The following GFOD1 variants were observed in gnomAD, a reference collection of about 807,000 sequenced individuals.
GFOD1 encodes glucose-fructose oxidoreductase domain-containing protein 1.
Under a neutral mutation model 25.4 loss-of-function variants are expected in GFOD1, and 9 were observed. The ratio of observed to expected loss-of-function variants is 0.35; its 90% confidence interval spans 0.21 to 0.62. The LOEUF is 0.62. Among genes scored for constraint, GFOD1 ranks in the 20% least tolerant of loss-of-function variants. The pLI, the probability that GFOD1 is intolerant of heterozygous loss-of-function variation, is 0.72. For missense variants in GFOD1, 403 were observed against 556.9 expected, an observed-to-expected ratio of 0.72 and a Z score of 2.78; for synonymous variants, 253 against 245.6, an observed-to-expected ratio of 1.03 and a Z score of -0.28.
rs1468741671 is a variant in GFOD1 at position 13,360,789 on chromosome 6, A to G, written c.*3954T>C. The G allele has an allele frequency of 2.2e-6, 1 of 456,632 alleles. No individual in the cohort carries two copies. Among genetic ancestry groups the G allele is most frequent in the African/African-American group, 2.0e-5 (1 of 50,074 alleles). 28.3% of individuals were successfully genotyped at this position (456,632 alleles called of 1,614,324 possible). A position where few individuals can be genotyped will look rare whatever the true frequency, so the allele number is the denominator to read the frequency against. ...CCGCAGGTTAGTCCATGCTTGTCAC[A>G]GTCCTTCCTGGGTGTGAGAGCAGAC... On this transcript the variant is annotated 3_prime_UTR_variant, in exon 2 of 2. Transcript: ENST00000379287.
At chr6:13,404,469 T>C (rs1272741756) in intron 1 of GFOD1, among the ~76,000 whole-genome samples, 2 of 152,248 alleles carry the variant, frequency 1.3e-5, no homozygotes, top group Non-Finnish European at 2.9e-5. Flanking sequence ...GTGAAACACG[T>C]GAGCCTGAAC....
chr6:13,393,780 C>T (rs377079169), intron 1 of GFOD1, among the ~76,000 whole-genome samples: 37 of 120,230 alleles, frequency 3.1e-4, no homozygotes, highest in Non-Finnish European at 4.0e-4. Context: ...TTTTTCTTTT[C>T]TTTTTTTTTT....
In GFOD1 at chr6:13,365,003, C is replaced by G. The variant is rs970059313; in HGVS notation, c.913G>C (p.Gly305Arg). The change falls in exon 2 of 2, where the codon GGC becomes CGC. Residue 305 changes from glycine to arginine, a missense_variant. Physicochemically the swap from Gly to Arg is moderately radical, Grantham distance 125. Coordinates refer to ENST00000379287, the MANE Select transcript of GFOD1 (RefSeq NM_018988.4). The surrounding 1 kb of genome is among the most constrained non-coding windows in gnomAD (Gnocchi z 9.2). ...ACCGCCTGCATCATCTTGATGGTGC[C>G]GCGCAGGTAGGGCGAGGGGATGTCG... ...FSDIPSPYLRGTIKMMQAVRQ... is the reference protein window; with the variant it reads ...FSDIPSPYLRRTIKMMQAVRQ... 2 of 1,610,222 alleles carry G rather than the reference C, an allele frequency of 1.2e-6. No individual in the cohort carries two copies. The highest frequency in any genetic ancestry group is 1.7e-6 in the Non-Finnish European group (2 of 1,179,904).
chr6:13,408,441 G>T (rs754970184), intron 1 of GFOD1, among the ~76,000 whole-genome samples: 26 of 152,284 alleles, frequency 1.7e-4, no homozygotes, highest in Non-Finnish European at 2.8e-4. Flanking sequence ...CTTTTCTACT[G>T]ATGGCTGCTT....
chr6:13,398,747 A>G (rs1231278464), intron 1 of GFOD1, among the ~76,000 whole-genome samples: 2 of 152,130 alleles, frequency 1.3e-5, no homozygotes, highest in African/African-American at 4.8e-5. Context: ...GGGCTTCTCA[A>G]TAAATGGCGA....
rs137895292 is a variant in GFOD1 at position 13,469,984 on chromosome 6, C to T, written c.253+16654G>A. Reference sequence around the variant, plus strand: ...ATAGATGATGAGTTCTCTCAGAGCACATGCCATATCTTATATGCCTTTGAC... The same window carrying T: ...ATAGATGATGAGTTCTCTCAGAGCATATGCCATATCTTATATGCCTTTGAC... On this transcript the variant is annotated intron_variant, in intron 1 of 1. Transcript: ENST00000379287. 5,562 of 1,314,826 alleles carry T rather than the reference C, an allele frequency of 4.2e-3. 17 individuals are homozygous for T. The highest frequency in any genetic ancestry group is 5.2e-3 in the Non-Finnish European group (5,162 of 993,518). The allele number at this position is 1,314,826 out of a possible 1,614,324, so 81.4% of individuals were successfully genotyped here. A position where few individuals can be genotyped will look rare whatever the true frequency, so the allele number is the denominator to read the frequency against.
At chr6:13,371,024 C>T (rs1785140853) in intron 1 of GFOD1, among the ~76,000 whole-genome samples, 1 of 152,090 alleles carries the variant, frequency 6.6e-6, no homozygotes, top group Admixed American at 6.6e-5. Context: ...GGAGAAAGCA[C>T]CAAAATGGCT....
chr6:13,418,206 G>A (rs190791071), intron 1 of GFOD1, among the ~76,000 whole-genome samples: 2 of 152,286 alleles, frequency 1.3e-5, no homozygotes, highest in Admixed American at 1.3e-4. Context: ...TTACACCGAA[G>A]CCACTGCAGG....
At chr6:13,464,394 C>T (rs978113443) in intron 1 of GFOD1, among the ~76,000 whole-genome samples, 4 of 152,166 alleles carry the variant, frequency 2.6e-5, no homozygotes, top group East Asian at 3.8e-4. Context: ...TACCACAGAA[C>T]GAAGACTTGT....
chr6:13,459,940 C>T (rs185175091), intron 1 of GFOD1, among the ~76,000 whole-genome samples: 2 of 152,256 alleles, frequency 1.3e-5, no homozygotes, highest in African/African-American at 2.4e-5. Context: ...TCAAGATCAG[C>T]CTGGCCAACA....
chr6:13,432,477 G>C (rs1051629371), intron 1 of GFOD1, among the ~76,000 whole-genome samples: 1 of 151,950 alleles, frequency 6.6e-6, no homozygotes, highest in African/African-American at 2.4e-5. Context: ...CAAAGTGCTA[G>C]GATTACGGTG....
chr6:13,454,818 G>A (rs1169642462), intron 1 of GFOD1, among the ~76,000 whole-genome samples: 1 of 152,162 alleles, frequency 6.6e-6, no homozygotes, highest in Non-Finnish European at 1.5e-5. Flanking sequence ...TCCTTCTGTG[G>A]GCTGCAAGAG....
Position 13,364,707 on chromosome 6 carries a change from G to T in GFOD1, c.*36C>A. On this transcript the variant is annotated 3_prime_UTR_variant, in exon 2 of 2. Transcript: ENST00000379287. The surrounding 1 kb of genome is among the most constrained non-coding windows in gnomAD (Gnocchi z 4.1). Reference sequence around the variant, plus strand: ...CCTTCCCTCTCTGTGGACATCCCCTGCAGAAGGCTCAAGTCCCCGAGGTTC... The same window carrying T: ...CCTTCCCTCTCTGTGGACATCCCCTTCAGAAGGCTCAAGTCCCCGAGGTTC... 6.4e-7 allele frequency: 1 copy of T among 1,553,252 alleles called. No individual in the cohort carries two copies. The highest frequency in any genetic ancestry group is 8.8e-7 in the Non-Finnish European group (1 of 1,139,168).
At chr6:13,461,191 C>T (rs890937983) in intron 1 of GFOD1, among the ~76,000 whole-genome samples, 1 of 152,218 alleles carries the variant, frequency 6.6e-6, no homozygotes, top group Non-Finnish European at 1.5e-5. Flanking sequence ...ATCCACCTCA[C>T]CATGTTTGCA....
intron 1 of GFOD1, among the ~76,000 whole-genome samples, chr6:13,433,798 C>G (rs1179706562): frequency 2.6e-5 from 4 of 152,134 alleles, no homozygotes; most frequent in African/African-American, 9.7e-5. Flanking sequence ...CCCAGAATGC[C>G]TACAACTTCC....
intron 1 of GFOD1, among the ~76,000 whole-genome samples, chr6:13,374,750 T>G (rs1307949378): frequency 6.9e-6 from 1 of 144,604 alleles, no homozygotes; most frequent in Non-Finnish European, 1.5e-5. Context: ...TTTTTTTTTT[T>G]TTGAGATCAA....
chr6:13,434,619 G>T (rs1367699825), intron 1 of GFOD1, among the ~76,000 whole-genome samples: 3 of 151,404 alleles, frequency 2.0e-5, no homozygotes, highest in Non-Finnish European at 4.4e-5. Flanking sequence ...GAACACAAAA[G>T]TTAAGTGCAG....
chr6:13,432,684 C>T (rs1384112416), intron 1 of GFOD1, among the ~76,000 whole-genome samples: 2 of 152,086 alleles, frequency 1.3e-5, no homozygotes, highest in African/African-American at 2.4e-5. Context: ...ATCACAACAC[C>T]CAGCTACACG....
At chr6:13,486,167 C>G (rs1584680744) in intron 1 of GFOD1, 4 of 989,856 alleles carry the variant, frequency 4.0e-6, no homozygotes, top group Non-Finnish European at 3.6e-6. Context: ...CACACGTGTG[C>G]GGCCTTTTAT....
Sources: allele counts gnomAD v4.1 joint callset (sites outside exome capture counted in the v4.1 genomes callset), GRCh38; gene constraint gnomAD v4.1.1; non-coding constraint Gnocchi (gnomAD v3.1); transcripts MANE v1.5; gene names NCBI Gene and HGNC (gene_info 2026-07-23, HGNC 2026-07-21).